ZNRF1: variants seen among roughly 807,000 people sequenced by gnomAD.
ZNRF1 encodes the protein E3 ubiquitin-protein ligase ZNRF1.
Under a neutral mutation model 18.4 loss-of-function variants are expected in ZNRF1, and 3 were observed. That is an observed-to-expected ratio of 0.16 (90% CI 0.07 to 0.42). The LOEUF (loss-of-function observed/expected upper bound fraction) is 0.42. Ranked by LOEUF, ZNRF1 falls within the 10% of genes least tolerant of loss-of-function variation. ZNRF1 has a pLI of 0.99. For synonymous variants in ZNRF1, 157 were observed against 144.2 expected, an observed-to-expected ratio of 1.09 and a Z score of -0.64; for missense variants, 310 against 329.8, an observed-to-expected ratio of 0.94 and a Z score of 0.47.
At chr16:75,028,317 C>T (rs1030356113) in intron 1 of ZNRF1, among the ~76,000 whole-genome samples, 8 of 152,164 alleles carry the variant, frequency 5.3e-5, no homozygotes, top group South Asian at 2.1e-4. Flanking sequence ...GTTTTTGAGA[C>T]GGAGTTTCAC....
At chr16:75,088,334 C>T (rs1328750935) in intron 1 of ZNRF1, among the ~76,000 whole-genome samples, 2 of 152,158 alleles carry the variant, frequency 1.3e-5, no homozygotes, top group Non-Finnish European at 2.9e-5. Context: ...ACCTTTTACC[C>T]TTTATTTTCC....
At chr16:75,107,543 G>C (rs962735799) in intron 4 of ZNRF1, 190 bp from the exon 5 acceptor site, 13 of 351,790 alleles carry the variant, frequency 3.7e-5, no homozygotes, top group Non-Finnish European at 5.1e-5. Flanking sequence ...AAAGAGCCAG[G>C]GGGGAGAGTG....
chr16:75,064,503 C>T (rs1679337121), intron 1 of ZNRF1, among the ~76,000 whole-genome samples: 1 of 151,086 alleles, frequency 6.6e-6, no homozygotes, highest in Non-Finnish European at 1.5e-5. Context: ...TTGCAGTGAG[C>T]CAAGATCGTG....
At chr16:75,091,914 A>G (rs2145420252) in intron 1 of ZNRF1, among the ~76,000 whole-genome samples, 1 of 152,274 alleles carries the variant, frequency 6.6e-6, no homozygotes, top group South Asian at 2.1e-4. Context: ...CAATAACATA[A>G]ACAGTCGATT....
At position 75,062,431 on chromosome 16, in the gene ZNRF1, T is replaced by A. The variant is rs563017771; in HGVS notation, c.425-31141T>A. ...TTGGCAGTTGCTGAAGTGAAATGAA[T>A]TCTTTATCGGAAAGAGTCAATTAAA... On this transcript the variant is annotated intron_variant, in intron 1 of 4. Coordinates refer to ENST00000335325, the MANE Select transcript of ZNRF1 (RefSeq NM_032268.5). Among the ~76,000 whole-genome samples the A allele has an allele frequency of 8.9e-4, 135 of 152,216 alleles. 1 individual carries two copies. The highest frequency in any genetic ancestry group is 1.0e-3 in the Non-Finnish European group (69 of 68,036).
At position 75,067,708 on chromosome 16, in the gene ZNRF1, A is replaced by C. The variant is rs545064578; in HGVS notation, c.425-25864A>C. On this transcript the variant is annotated intron_variant, in intron 1 of 4. Coordinates refer to ENST00000335325, the MANE Select transcript of ZNRF1 (RefSeq NM_032268.5). ...AGGGGCACCATGAATCAATGGGAGA[A>C]GGATGGATTGCTTAATAGATAATGT... Among the ~76,000 whole-genome samples, 52 of 152,338 alleles carry C rather than the reference A, an allele frequency of 3.4e-4. No individual in the cohort carries two copies. In the South Asian group the frequency reaches 0.01, roughly 30 times the overall value.
intron 1 of ZNRF1, among the ~76,000 whole-genome samples, chr16:75,084,276 G>A (rs2036049459): frequency 6.6e-6 from 1 of 152,224 alleles, no homozygotes; most frequent in South Asian, 2.1e-4. Flanking sequence ...GAAATATTTG[G>A]TGAACAGCAT....
intron 2 of ZNRF1, among the ~76,000 whole-genome samples, chr16:75,099,715 C>T (rs1000431759): frequency 3.2e-4 from 48 of 152,330 alleles, no homozygotes; most frequent in African/African-American, 1.1e-3. Flanking sequence ...CATTTGACTC[C>T]ATCTGCAGCA....
chr16:75,091,943 T>C (rs1022193835), intron 1 of ZNRF1, among the ~76,000 whole-genome samples: 1 of 152,136 alleles, frequency 6.6e-6, no homozygotes, highest in African/African-American at 2.4e-5. Context: ...TTTTGTATGT[T>C]ATAAATGTAT....
intron 1 of ZNRF1, among the ~76,000 whole-genome samples, chr16:75,011,305 A>G (rs531774866): frequency 6.6e-6 from 1 of 152,302 alleles, no homozygotes; most frequent in South Asian, 2.1e-4. Flanking sequence ...GTCCATTTAG[A>G]TTGTGTAAAT....
intron 1 of ZNRF1, among the ~76,000 whole-genome samples, chr16:75,092,277 G>A (rs2036149045): frequency 6.6e-6 from 1 of 152,150 alleles, no homozygotes; most frequent in South Asian, 2.1e-4. Context: ...AGGAGGAGGA[G>A]GGGTTGGTCT....
intron 2 of ZNRF1, among the ~76,000 whole-genome samples, chr16:75,100,562 G>C (rs758190532): frequency 3.2e-4 from 49 of 152,208 alleles, no homozygotes; most frequent in Non-Finnish European, 5.6e-4. Flanking sequence ...TGACACAGAT[G>C]GGGAGAGAAC....
chr16:75,073,945 A>G (rs2035905802), intron 1 of ZNRF1, among the ~76,000 whole-genome samples: 1 of 152,108 alleles, frequency 6.6e-6, no homozygotes, highest in Non-Finnish European at 1.5e-5. Flanking sequence ...ATTTTCTCGT[A>G]AATGTCAGGA....
intron 1 of ZNRF1, among the ~76,000 whole-genome samples, chr16:75,032,268 C>T (rs895132759): frequency 6.6e-6 from 1 of 150,400 alleles, no homozygotes; most frequent in Admixed American, 6.8e-5. Context: ...TGCCATCCTG[C>T]CTGGCTAAGT....
Position 74,999,889 on chromosome 16 carries a change from C to A in ZNRF1, c.218C>A (p.Thr73Asn), listed in dbSNP as rs959545841. 7 of 1,539,628 alleles carry A rather than the reference C, an allele frequency of 4.5e-6. No homozygotes were observed. The African/African-American group carries it at 9.6e-5, about 21-fold the overall frequency. ...TAGGVPFGLY[T>N]PASRGTGDSE... ...GGGGGGGTGCCCTTTGGCCTCTACA[C>A]CCCCGCCTCCCGGGGCACCGGCGAC... The change falls in exon 1 of 5, where the codon ACC (threonine) becomes AAC (asparagine). Residue 73 changes from threonine to asparagine, a missense_variant. Physicochemically the swap from Thr to Asn is moderately conservative, Grantham distance 65. This residue lies in a region of ZNRF1 where 293 missense variants were observed against 291.2 expected (regional missense o/e 1.01). Coordinates refer to ENST00000335325, the MANE Select transcript of ZNRF1 (RefSeq NM_032268.5).
At chr16:75,057,356 A>G (rs751162561) in intron 1 of ZNRF1, among the ~76,000 whole-genome samples, 5 of 152,140 alleles carry the variant, frequency 3.3e-5, no homozygotes, top group South Asian at 2.1e-4. Flanking sequence ...GGTTTGATCA[A>G]CACTTGGAGT....
chr16:75,055,746 T>G (rs1567480498), intron 1 of ZNRF1, among the ~76,000 whole-genome samples: 1 of 152,136 alleles, frequency 6.6e-6, no homozygotes, highest in Non-Finnish European at 1.5e-5. Flanking sequence ...CCTTAGAGAT[T>G]AAAGATCTTT....
chr16:75,058,771 G>A (rs923704881), intron 1 of ZNRF1, among the ~76,000 whole-genome samples: 4 of 152,184 alleles, frequency 2.6e-5, no homozygotes, highest in African/African-American at 9.7e-5. Flanking sequence ...GTTGGACTCA[G>A]GAGAGTTGTT....
intron 1 of ZNRF1, among the ~76,000 whole-genome samples, chr16:75,015,342 A>C (rs1478515837): frequency 2.0e-5 from 3 of 152,216 alleles, no homozygotes; most frequent in Admixed American, 2.0e-4. Flanking sequence ...TCATGCCTGT[A>C]ATCCCAGCAC....
Sources: gnomAD v4.1 joint callset for allele counts (sites outside exome capture counted in the v4.1 genomes callset) on GRCh38, gnomAD v4.1.1 for gene constraint, gnomAD v4.1.1 regional missense constraint, MANE v1.5 for transcripts, NCBI Gene and HGNC (gene_info 2026-07-23, HGNC 2026-07-21) for gene names.